IL2RB: variants seen among roughly 807,000 people sequenced by gnomAD.
The protein encoded by IL2RB is interleukin 2 receptor subunit beta, also known as interleukin-2 receptor subunit beta.
IL2RB carries 17 observed loss-of-function variants against 44.2 expected under a neutral mutation model. The observed-to-expected ratio is 0.38, with a 90% CI of 0.26 to 0.58. IL2RB has a LOEUF of 0.58. Ranked by LOEUF, IL2RB falls within the 20% of genes least tolerant of loss-of-function variation. The pLI, the probability that IL2RB is intolerant of heterozygous loss-of-function variation, is 0.63. For missense variants in IL2RB, 624 were observed against 685.5 expected (o/e 0.91, Z 1.00); for synonymous variants, 286 against 297.9 (o/e 0.96, Z 0.41).
intron 6 of IL2RB, 107 bp downstream of exon 6, chr22:37,137,480 C>G: frequency 2.5e-6 from 3 of 1,194,626 alleles, no homozygotes; most frequent in Non-Finnish European, 2.4e-6. Context: ...AGCCACCCAC[C>G]ATCCACCTGG....
At chr22:37,135,016 C>T (rs985273031) in intron 8 of IL2RB, among the ~76,000 whole-genome samples, 2 of 152,136 alleles carry the variant, frequency 1.3e-5, no homozygotes, top group Non-Finnish European at 2.9e-5. Flanking sequence ...CTGGACAGGG[C>T]CCCGGGGCTC....
In IL2RB at chr22:37,159,863, G is replaced by A. The variant is rs370982244; in HGVS notation, c.-34+15095C>T. ...AGGGGTGCTGGCGTGGGGGCCACCC[G>A]TTGTTATTCCCATGGTCCCTGCATC... On this transcript the variant is annotated intron_variant, in intron 1 of 5. Coordinates refer to the IL2RB transcript ENST00000429622. Among the ~76,000 whole-genome samples, 140 of 152,310 alleles carry A rather than the reference G, an allele frequency of 9.2e-4. 1 individual carries two copies. Among genetic ancestry groups the A allele is most frequent in the East Asian group, 5.2e-3 (27 of 5,182 alleles).
At chr22:37,171,486 A>G (rs1923283621) in intron 1 of IL2RB, among the ~76,000 whole-genome samples, 1 of 152,188 alleles carries the variant, frequency 6.6e-6, no homozygotes, top group Non-Finnish European at 1.5e-5. Context: ...GAAAAACGCT[A>G]TCAGAAAAGA....
At chr22:37,158,543 G>A (rs1011833430) in intron 1 of IL2RB, among the ~76,000 whole-genome samples, 4 of 152,036 alleles carry the variant, frequency 2.6e-5, no homozygotes, top group Admixed American at 2.0e-4. Context: ...GGGTGACTGA[G>A]CAAGACTCCG....
intron 9 of IL2RB, among the ~76,000 whole-genome samples, chr22:37,130,289 A>G (rs1201390539): frequency 2.0e-5 from 3 of 152,250 alleles, no homozygotes; most frequent in Non-Finnish European, 4.4e-5. Flanking sequence ...GGGAGCGGCC[A>G]GGCCTGTGGC....
Position 37,134,022 on chromosome 22 carries a change from G to A in IL2RB, c.818+1306C>T, listed in dbSNP as rs377555553. ...CCTCAGGGAAACCAGCCCTGGCCAC[G>A]CCCCAGCCAAGTTTCCCCTCCCTGT... On this transcript the variant is annotated intron_variant, in intron 8 of 9. Coordinates refer to ENST00000216223, the MANE Select transcript of IL2RB (RefSeq NM_000878.5). Among the ~76,000 whole-genome samples the A allele has an allele frequency of 3.9e-5, 6 of 152,016 alleles. No individual in the cohort carries two copies. The South Asian group carries it at 1.2e-3, about 32-fold the overall frequency.
chr22:37,173,828 C>A, intron 1 of IL2RB, among the ~76,000 whole-genome samples: 1 of 152,176 alleles, frequency 6.6e-6, no homozygotes, highest in African/African-American at 2.4e-5. Flanking sequence ...CTTGAAGCCT[C>A]GTGAGCAGAG....
intron 1 of IL2RB, among the ~76,000 whole-genome samples, chr22:37,166,473 C>T (rs1382893669): frequency 1.3e-5 from 2 of 152,198 alleles, no homozygotes; most frequent in Non-Finnish European, 2.9e-5. Context: ...ACCCCTGCTC[C>T]GTTCCCGCGG....
chr22:37,161,864 G>A (rs1344414657), intron 1 of IL2RB: 2 of 152,266 alleles, frequency 1.3e-5, no homozygotes, highest in Admixed American at 6.5e-5. Context: ...CCAATCAGAA[G>A]CCTCAACTCC....
At chr22:37,165,819 G>A (rs1408570306) in intron 1 of IL2RB, among the ~76,000 whole-genome samples, 3 of 152,048 alleles carry the variant, frequency 2.0e-5, no homozygotes, top group African/African-American at 7.3e-5. Flanking sequence ...GGTGCAGACC[G>A]GCCTAAAGCA....
chr22:37,147,786 C>T (rs1922293240), intron 1 of IL2RB, among the ~76,000 whole-genome samples: 1 of 152,246 alleles, frequency 6.6e-6, no homozygotes, highest in Non-Finnish European at 1.5e-5. Context: ...CTACCGTCTC[C>T]ACAGGAGGGT....
intron 3 of IL2RB, 62 bp from the exon 4 acceptor site, chr22:37,142,574 A>ACT (rs1229762249): frequency 6.6e-7 from 1 of 1,519,978 alleles, no homozygotes. Flanking sequence ...GGCCCAAGGG[A>ACT]CTCTTCTCAG....
chr22:37,145,233 G>A (rs1407757955), intron 1 of IL2RB, among the ~76,000 whole-genome samples: 1 of 152,188 alleles, frequency 6.6e-6, no homozygotes, highest in Admixed American at 6.5e-5. Context: ...AGCCTTTACG[G>A]AGGACCTTGT....
chr22:37,143,977 G>T, intron 2 of IL2RB, 108 bp downstream of exon 2: 1 of 1,473,302 alleles, frequency 6.8e-7, no homozygotes, highest in Non-Finnish European at 9.3e-7. Context: ...GAGGCAGGAG[G>T]TGGACACCTG....
chr22:37,174,705 T>C (rs1923395726), intron 1 of IL2RB, among the ~76,000 whole-genome samples: 1 of 152,200 alleles, frequency 6.6e-6, no homozygotes, highest in African/African-American at 2.4e-5. Flanking sequence ...GGCAGGCTTG[T>C]GAATCAATCT....
chr22:37,157,958 T>G (rs1023105193), intron 1 of IL2RB, among the ~76,000 whole-genome samples: 1 of 152,206 alleles, frequency 6.6e-6, no homozygotes, highest in Non-Finnish European at 1.5e-5. Context: ...GATAGCATAT[T>G]TGAAGTTTCA....
Position 37,142,526 on chromosome 22 carries a change from A to AG in IL2RB, c.204-15dup. On this transcript the variant is annotated splice_polypyrimidine_tract_variant and intron_variant, in intron 3 of 9. Coordinates refer to ENST00000216223, the MANE Select transcript of IL2RB (RefSeq NM_000878.5). ...TGGTTCCACCGCCTTTCATGGCAAA[A>AG]GACCCTCTTTAGAAGAACAGGAAGG... 1 of 1,613,708 alleles carries AG rather than the reference A, an allele frequency of 6.2e-7. No individual in the cohort carries two copies. Among genetic ancestry groups the AG allele is most frequent in the Non-Finnish European group, 8.5e-7 (1 of 1,179,598 alleles).
Position 37,136,284 on chromosome 22 carries a change from T to G in IL2RB, c.647A>C (p.Glu216Ala). 1 of 1,613,034 alleles carries G rather than the reference T, an allele frequency of 6.2e-7. No homozygotes were observed. Among genetic ancestry groups the G allele is most frequent in the Non-Finnish European group, 8.5e-7 (1 of 1,179,764 alleles). Residue 216 changes from glutamate (E) to alanine (A), a missense_variant, in exon 7 of 10, where the codon GAG (glutamate) becomes GCG (alanine). By Grantham distance (107) the Glu-to-Ala change is moderately radical. Around this residue, in one of 3 missense-constraint regions of IL2RB, gnomAD observed 255 missense variants for 339.9 expected, o/e 0.75. Coordinates refer to ENST00000216223, the MANE Select transcript of IL2RB (RefSeq NM_000878.5). ...GCTCCAGGGGCTCCAGGTCGTGAAC[T>G]CGCCTTGCAGAGGCTTGACCCGCAC... ...FQVRVKPLQG[E>A]FTTWSPWSQP...
chr22:37,129,010 C>A (rs556873180), intron 9 of IL2RB, among the ~76,000 whole-genome samples, 162 bp from the exon 10 acceptor site: 1 of 152,218 alleles, frequency 6.6e-6, no homozygotes, highest in African/African-American at 2.4e-5. Context: ...CGCACTCCCC[C>A]AACCCACCCA....
Sources: allele counts gnomAD v4.1 joint callset (sites outside exome capture counted in the v4.1 genomes callset), GRCh38; gene constraint gnomAD v4.1.1; regional missense constraint gnomAD v4.1.1; transcripts MANE v1.5; gene names NCBI Gene and HGNC (gene_info 2026-07-23, HGNC 2026-07-21).